ZFYVE9: variants seen among roughly 807,000 people sequenced by gnomAD.
ZFYVE9 encodes zinc finger FYVE-type containing 9.
A neutral mutation model predicts 126.7 loss-of-function variants in ZFYVE9; 43 were observed. That is an observed-to-expected ratio of 0.34 (90% CI 0.27 to 0.44). ZFYVE9 has a LOEUF of 0.44. Among genes scored for constraint, ZFYVE9 ranks in the 20% least tolerant of loss-of-function variants. The pLI is 1.00. For synonymous variants in ZFYVE9, 521 were observed against 597.4 expected (o/e 0.87, Z 1.87); for missense variants, 1,476 against 1,697.0 (o/e 0.87, Z 2.29).
At chr1:52,159,221 G>C (rs770253565) in intron 1 of ZFYVE9, among the ~76,000 whole-genome samples, 3 of 152,136 alleles carry the variant, frequency 2.0e-5, no homozygotes, top group Admixed American at 1.3e-4. Context: ...CTTGTGCCAG[G>C]GCCTGTCATG....
At chr1:52,172,413 A>G (rs1249013644) in intron 1 of ZFYVE9, among the ~76,000 whole-genome samples, 3 of 152,132 alleles carry the variant, frequency 2.0e-5, no homozygotes, top group East Asian at 3.8e-4. Flanking sequence ...GCCTTGTAGT[A>G]TAGTTTGAAG....
At chr1:52,207,783 T>G (rs1428650065) in intron 1 of ZFYVE9, among the ~76,000 whole-genome samples, 1 of 152,228 alleles carries the variant, frequency 6.6e-6, no homozygotes, top group Admixed American at 6.5e-5. Context: ...CACTGATTGG[T>G]TTCATGGTTC....
intron 13 of ZFYVE9, among the ~76,000 whole-genome samples, chr1:52,308,958 CAA>C (rs1194102770): frequency 6.6e-6 from 1 of 152,026 alleles, no homozygotes; most frequent in African/African-American, 2.4e-5. Flanking sequence ...ATAGATAAAA[CAA>C]TATGAAAACA....
intron 2 of ZFYVE9, among the ~76,000 whole-genome samples, chr1:52,220,204 T>A (rs1645110747): frequency 6.6e-6 from 1 of 152,230 alleles, no homozygotes; most frequent in African/African-American, 2.4e-5. Context: ...TAATTCTTTC[T>A]ACCCTCCCTG....
At chr1:52,231,185 A>G (rs888803934) in intron 2 of ZFYVE9, among the ~76,000 whole-genome samples, 3 of 152,188 alleles carry the variant, frequency 2.0e-5, no homozygotes, top group Non-Finnish European at 4.4e-5. Context: ...ATTTTGACCT[A>G]TAAATAATTA....
At chr1:52,160,436 G>A (rs1644446352) in intron 1 of ZFYVE9, 10 of 930,206 alleles carry the variant, frequency 1.1e-5, no homozygotes, top group Non-Finnish European at 1.8e-5. Context: ...TCCAAAGGCA[G>A]TGCCTTTCTA....
intron 1 of ZFYVE9, among the ~76,000 whole-genome samples, chr1:52,196,309 T>C (rs1644859676): frequency 6.6e-6 from 1 of 152,108 alleles, no homozygotes; most frequent in Admixed American, 6.5e-5. Flanking sequence ...TTGATGGAAA[T>C]GATAGAGAAG....
chr1:52,263,753 TCCCCCCCCCC>T lies in ZFYVE9; in HGVS notation c.2179-14_2179-5del. 1.4e-6 allele frequency: 1 copy of T among 713,088 alleles called. No individual in the cohort carries two copies. The highest frequency in any genetic ancestry group is 2.0e-6 in the Non-Finnish European group (1 of 490,710). 44.2% of individuals were successfully genotyped at this position (713,088 alleles called of 1,614,324 possible). On this transcript the variant is annotated splice_polypyrimidine_tract_variant and intron_variant, in intron 4 of 18. Transcript: ENST00000287727. ...ATCCCAAGTAAATTTTGTGTGTTCT[TCCCCCCCCCC>T]CCCCCACAGGTTTTCTGTGCTTCCT...
intron 1 of ZFYVE9, among the ~76,000 whole-genome samples, chr1:52,150,638 G>A (rs1314876179): frequency 6.6e-6 from 1 of 151,802 alleles, no homozygotes; most frequent in East Asian, 1.9e-4. Flanking sequence ...GTGGCGTTGG[G>A]CCCCTGTAAT....
intron 17 of ZFYVE9, among the ~76,000 whole-genome samples, chr1:52,342,435 T>A (rs574502444): frequency 6.6e-6 from 1 of 151,784 alleles, no homozygotes; most frequent in Admixed American, 6.6e-5. Context: ...CCGACTAATT[T>A]TTTTTTTTGT....
At chr1:52,251,599 C>G (rs999940284) in intron 4 of ZFYVE9, among the ~76,000 whole-genome samples, 26 of 146,940 alleles carry the variant, frequency 1.8e-4, no homozygotes, top group Non-Finnish European at 3.0e-5. Flanking sequence ...ATTCAATTTG[C>G]TATTATTTTC....
intron 1 of ZFYVE9, among the ~76,000 whole-genome samples, chr1:52,183,303 T>G (rs1286311726): frequency 2.0e-5 from 3 of 152,174 alleles, no homozygotes; most frequent in African/African-American, 7.2e-5. Context: ...ACCAGTTAAG[T>G]AGACTATGAA....
In ZFYVE9 at chr1:52,202,517, G is replaced by A. The variant is rs1036173709; in HGVS notation, c.-142-13852G>A. 2.6e-5 allele frequency among the ~76,000 whole-genome samples: 4 copies of A among 151,916 alleles called. 1 individual carries two copies. Among genetic ancestry groups the A allele is most frequent in the African/African-American group, 4.8e-5 (2 of 41,336 alleles). On this transcript the variant is annotated intron_variant, in intron 1 of 18. Transcript: ENST00000287727. ...TCTGGTCTTGAACTCCTGGCCTCAAGTGATCCACCTGCCTCAGCCTCCCAA... is the reference window on the plus strand; with the variant it reads ...TCTGGTCTTGAACTCCTGGCCTCAAATGATCCACCTGCCTCAGCCTCCCAA...
At chr1:52,206,801 C>G (rs1004287308) in intron 1 of ZFYVE9, among the ~76,000 whole-genome samples, 1 of 152,166 alleles carries the variant, frequency 6.6e-6, no homozygotes, top group South Asian at 2.1e-4. Flanking sequence ...CTGCCCACCT[C>G]GGCCTCCCAA....
chr1:52,334,634 C>A (rs1338820373), intron 14 of ZFYVE9, 54 bp from the exon 15 acceptor site: 3 of 1,548,208 alleles, frequency 1.9e-6, no homozygotes, highest in African/African-American at 2.7e-5. Context: ...TTATTATTTT[C>A]AATCCCTCCA....
chr1:52,171,467 C>T (rs1644568475), intron 1 of ZFYVE9, among the ~76,000 whole-genome samples: 1 of 152,160 alleles, frequency 6.6e-6, no homozygotes. Flanking sequence ...CATACGTGTG[C>T]ATGTGTCTTT....
At chr1:52,335,609 C>T (rs778938103) in intron 15 of ZFYVE9, among the ~76,000 whole-genome samples, 1 of 152,184 alleles carries the variant, frequency 6.6e-6, no homozygotes, top group African/African-American at 2.4e-5. Flanking sequence ...GTGGAAGCTG[C>T]ATTGCCTTTT....
chr1:52,346,019 T>C (rs1466323320), intron 18 of ZFYVE9, 41 bp from the exon 19 acceptor site: 1 of 1,526,490 alleles, frequency 6.6e-7, no homozygotes, highest in East Asian at 2.3e-5. Flanking sequence ...AGAGGCCTTC[T>C]CTGTTCAGTA....
At chr1:52,181,135 C>A (rs1005756698) in intron 1 of ZFYVE9, among the ~76,000 whole-genome samples, 1 of 152,114 alleles carries the variant, frequency 6.6e-6, no homozygotes, top group African/African-American at 2.4e-5. Context: ...GATGCCGAGC[C>A]GAAGCTGGAC....
Sources: allele counts gnomAD v4.1 joint callset (sites outside exome capture counted in the v4.1 genomes callset), GRCh38; gene constraint gnomAD v4.1.1; transcripts MANE v1.5; gene names NCBI Gene and HGNC (gene_info 2026-07-23, HGNC 2026-07-21).